Variants in PRH1 observed in about 807,000 individuals in gnomAD.
The protein encoded by PRH1 is salivary acidic proline-rich phosphoprotein 1/2.
PRH1 carries 7 observed loss-of-function variants against 7.9 expected under a neutral mutation model. That is an observed-to-expected ratio of 0.89 (90% CI 0.50 to 1.67). PRH1 has a LOEUF of 1.67. PRH1 is among the 40% of genes most tolerant of loss of function. The pLI, the probability that PRH1 is intolerant of heterozygous loss-of-function variation, is 0.00. For synonymous variants in PRH1, 45 were observed against 80.8 expected, an observed-to-expected ratio of 0.56 and a Z score of 2.38; for missense variants, 109 against 223.6, an observed-to-expected ratio of 0.49 and a Z score of 3.27.
chr12:10,976,163 C>A (rs1483633184), intron 1 of PRH1, among the ~76,000 whole-genome samples: 2 of 152,106 alleles, frequency 1.3e-5, no homozygotes, highest in African/African-American at 4.8e-5. Context: ...ATGAACCACA[C>A]AATCTAACAT....
intron 2 of PRH1, among the ~76,000 whole-genome samples, chr12:10,943,397 AG>A (rs1483173496): frequency 1.3e-5 from 2 of 152,128 alleles, no homozygotes; most frequent in Non-Finnish European, 2.9e-5. Context: ...GTGTCTGTTC[AG>A]GTCTTTTGCC....
At chr12:10,985,603 T>C (rs1244451178) in intron 1 of PRH1, among the ~76,000 whole-genome samples, 2 of 152,110 alleles carry the variant, frequency 1.3e-5, no homozygotes, top group African/African-American at 4.8e-5. Flanking sequence ...AGTTTTCAAG[T>C]GAAACATGAT....
intron 1 of PRH1, among the ~76,000 whole-genome samples, chr12:10,999,156 G>T (rs1012411867): frequency 7.2e-5 from 11 of 152,120 alleles, no homozygotes; most frequent in African/African-American, 2.7e-4. Flanking sequence ...TGGTTTTGGA[G>T]AAGTTTCTTT....
chr12:10,918,295 T>C (rs1591677121), intron 2 of PRH1, among the ~76,000 whole-genome samples: 2 of 152,038 alleles, frequency 1.3e-5, no homozygotes, highest in Non-Finnish European at 2.9e-5. Flanking sequence ...GATAGGTTGA[T>C]AGGTGCAGCA....
intron 1 of PRH1, among the ~76,000 whole-genome samples, chr12:11,101,051 T>C (rs551567543): frequency 6.6e-6 from 1 of 152,334 alleles, no homozygotes; most frequent in African/African-American, 2.4e-5. Flanking sequence ...TTCAAATGTG[T>C]ATCAAAAATA....
At chr12:10,986,585 G>T (rs1357970583) in intron 1 of PRH1, 1 of 1,614,046 alleles carries the variant, frequency 6.2e-7, no homozygotes, top group South Asian at 1.1e-5. Context: ...TGCTGAAATG[G>T]TTGGTTACAA....
Position 11,081,450 on chromosome 12 carries a change from G to A in PRH1, n.124-34262C>T, listed in dbSNP as rs1199231229. ...GGTTTTTGGCTTTTTGTTTTAGTAT[G>A]TTAGAAAAGAAAATGGTAGTGGTTT... On this transcript the variant is annotated intron_variant and non_coding_transcript_variant, in intron 1 of 4. Transcript: ENST00000541977. Among the ~76,000 whole-genome samples the A allele has an allele frequency of 2.6e-5, 3 of 115,512 alleles. 1 individual carries two copies. The highest frequency in any genetic ancestry group is 8.7e-5 in the African/African-American group (3 of 34,632). 75.8% of individuals were successfully genotyped at this position (115,512 alleles called of 152,430 possible).
chr12:11,113,422 C>A (rs1945645911), intron 1 of PRH1, among the ~76,000 whole-genome samples: 1 of 152,100 alleles, frequency 6.6e-6, no homozygotes, highest in African/African-American at 2.4e-5. Context: ...CATCTACAAC[C>A]ATCTGATTTT....
At chr12:10,960,119 A>C (rs1938167606) in intron 2 of PRH1, among the ~76,000 whole-genome samples, 1 of 152,232 alleles carries the variant, frequency 6.6e-6, no homozygotes, top group South Asian at 2.1e-4. Context: ...TTGGGCTGAT[A>C]GGCCAATAGT....
At chr12:11,050,625 T>C (rs1337745652), upstream of PRH1, among the ~76,000 whole-genome samples, 1 of 152,276 alleles carries the variant, frequency 6.6e-6, no homozygotes, top group Non-Finnish European at 1.5e-5. Context: ...CTGTTTTTTG[T>C]TTAAATATTA....
intron 1 of PRH1, 21 bp from the exon 2 acceptor site, chr12:10,883,117 G>T: frequency 1.2e-6 from 2 of 1,611,866 alleles, no homozygotes; most frequent in Non-Finnish European, 1.7e-6. Flanking sequence ...AGTACAGGAT[G>T]ATGGGAAAAG....
At chr12:10,909,318 A>G in intron 2 of PRH1, 1 of 1,540,980 alleles carries the variant, frequency 6.5e-7, no homozygotes, top group Non-Finnish European at 8.9e-7. Context: ...GAGAAAGTTC[A>G]ATGTCTAATG....
chr12:11,021,522 G>C, intron 1 of PRH1: 2 of 524,038 alleles, frequency 3.8e-6, no homozygotes, highest in Non-Finnish European at 6.4e-6. Flanking sequence ...ACTTTTCTAG[G>C]TATCTGTTTT....
intron 1 of PRH1, among the ~76,000 whole-genome samples, chr12:11,001,699 A>G (rs879763784): frequency 1.3e-5 from 2 of 152,148 alleles, no homozygotes; most frequent in Non-Finnish European, 2.9e-5. Flanking sequence ...TTTGTTGTAC[A>G]TGTGAGTTTC....
intron 1 of PRH1, among the ~76,000 whole-genome samples, chr12:11,137,209 C>T (rs997962216): frequency 1.2e-4 from 15 of 128,150 alleles, no homozygotes; most frequent in African/African-American, 3.0e-4. Flanking sequence ...ATCTATTCCA[C>T]GATTTAAATT....
downstream of PRH1, among the ~76,000 whole-genome samples, chr12:11,116,212 C>T (rs555280194): frequency 1.3e-5 from 2 of 152,044 alleles, no homozygotes; most frequent in African/African-American, 4.8e-5. Context: ...GATATTACAA[C>T]TGATACCACT....
intron 1 of PRH1, among the ~76,000 whole-genome samples, chr12:11,129,111 C>T (rs746893771): frequency 1.8e-4 from 27 of 152,218 alleles, no homozygotes; most frequent in Admixed American, 1.3e-4. Context: ...TTTGTAGAGA[C>T]GGAGTTTCCA....
At chr12:11,046,033 G>A (rs1451667398) in intron 1 of PRH1, among the ~76,000 whole-genome samples, 1 of 152,088 alleles carries the variant, frequency 6.6e-6, no homozygotes, top group Non-Finnish European at 1.5e-5. Context: ...TAATATATGC[G>A]CTTGAGAATT....
chr12:11,160,849 C>T (rs1947392479), intron 1 of PRH1, among the ~76,000 whole-genome samples: 1 of 152,140 alleles, frequency 6.6e-6, no homozygotes. Flanking sequence ...TTTCAAACTA[C>T]AAAAGTGACA....
Sources: gnomAD v4.1 joint callset for allele counts (sites outside exome capture counted in the v4.1 genomes callset) on GRCh38, gnomAD v4.1.1 for gene constraint, MANE v1.5 for transcripts, NCBI Gene and HGNC (gene_info 2026-07-23, HGNC 2026-07-21) for gene names.